ABL1: variants seen among roughly 807,000 people sequenced by gnomAD.
ABL1 encodes ABL proto-oncogene 1, non-receptor tyrosine kinase, also known as tyrosine-protein kinase ABL1.
ABL1 carries 11 observed loss-of-function variants against 94.7 expected under a neutral mutation model. The observed-to-expected ratio is 0.12, with a 90% confidence interval of 0.07 to 0.19. The LOEUF (loss-of-function observed/expected upper bound fraction) is 0.19. Among genes scored for constraint, ABL1 ranks in the 10% least tolerant of loss-of-function variants. The pLI, the probability that ABL1 is intolerant of heterozygous loss-of-function variation, is 1.00. For missense variants in ABL1, 1,082 were observed against 1,489.4 expected (o/e 0.73, Z 4.50); for synonymous variants, 656 against 622.4 (o/e 1.05, Z -0.80).
chr9:130,884,512 A>C lies in ABL1; in HGVS notation c.2222A>C (p.Gln741Pro). ...TCAGTCACGCTGCCTCGGGACTTGC[A>C]GTCCACGGGAAGACAGTTTGACTCG... ...WRSVTLPRDL[Q>P]STGRQFDSST... Residue 741 changes from glutamine to proline, a missense_variant, in exon 11 of 11, where the codon CAG becomes CCG. Gln to Pro is a moderately conservative substitution (Grantham distance 76). Coordinates refer to ENST00000318560, the MANE Select transcript of ABL1 (RefSeq NM_005157.6). This position sits in a 1 kb window ranked among gnomAD's most constrained non-coding sequence, Gnocchi z 5.6. The C allele has an allele frequency of 4.3e-6, 7 of 1,613,190 alleles. No individual in the cohort carries two copies. Among genetic ancestry groups the C allele is most frequent in the Non-Finnish European group, 5.9e-6 (7 of 1,180,034 alleles).
intron 1 of ABL1, among the ~76,000 whole-genome samples, chr9:130,810,086 A>C (rs1229803676): frequency 1.3e-5 from 2 of 152,230 alleles, no homozygotes; most frequent in African/African-American, 4.8e-5. Context: ...TACAACCAAT[A>C]ACTGACCAGA....
chr9:130,845,507 A>C (rs79107833), intron 1 of ABL1, among the ~76,000 whole-genome samples: 2 of 151,894 alleles, frequency 1.3e-5, no homozygotes, highest in African/African-American at 2.4e-5. Context: ...ACGCCCAGCT[A>C]ATTGTTGTAT....
chr9:130,713,727 G>GTTGCTGGCAATGCATTCCT (rs1290440455), exon 1 of ABL1, among the ~76,000 whole-genome samples: 1 of 152,202 alleles, frequency 6.6e-6, no homozygotes, highest in Non-Finnish European at 1.5e-5. Context: ...GGACTTAAAA[G>GTTGCTGGCAATGCATTCCT]TTGCTGGCAA....
chr9:130,806,173 A>G (rs780041524), intron 1 of ABL1, among the ~76,000 whole-genome samples: 6 of 152,178 alleles, frequency 3.9e-5, no homozygotes, highest in Non-Finnish European at 7.3e-5. Flanking sequence ...AATCCCAGCA[A>G]ACTCTTCAAT....
Position 130,887,532 on chromosome 9 carries a change from C to A in ABL1, c.*1849C>A. The A allele has an allele frequency of 8.6e-6, 2 of 233,042 alleles. No homozygotes were observed. Among genetic ancestry groups the A allele is most frequent in the Non-Finnish European group, 1.7e-5 (2 of 117,840 alleles). 14.4% of individuals were successfully genotyped at this position (233,042 alleles called of 1,614,324 possible). On this transcript the variant is annotated 3_prime_UTR_variant, in exon 11 of 11. Coordinates refer to ENST00000318560, the MANE Select transcript of ABL1 (RefSeq NM_005157.6). ...GGCGTGTGCATAGCGTCCTGCCCTG[C>A]CCCCTCGGGGGCCTGTGGTGGCTCC...
intron 4 of ABL1, among the ~76,000 whole-genome samples, chr9:130,868,328 T>C (rs1183074281): frequency 6.6e-6 from 1 of 152,096 alleles, no homozygotes; most frequent in Non-Finnish European, 1.5e-5. Context: ...GAAATAAGGA[T>C]AATCCCTGTG....
intron 1 of ABL1, among the ~76,000 whole-genome samples, chr9:130,767,757 G>A (rs1231823629): frequency 3.9e-5 from 6 of 152,226 alleles, no homozygotes; most frequent in Non-Finnish European, 8.8e-5. Context: ...ACGTGTGCAT[G>A]TGTGTGCACA....
intron 1 of ABL1, among the ~76,000 whole-genome samples, chr9:130,721,812 GT>G (rs368491783): frequency 3.8e-5 from 5 of 133,240 alleles, no homozygotes; most frequent in Admixed American, 7.8e-5. Flanking sequence ...AATTTGTCAG[GT>G]TTTTTTTTGT....
intron 1 of ABL1, among the ~76,000 whole-genome samples, chr9:130,812,833 C>T (rs1830227216): frequency 1.3e-5 from 2 of 152,346 alleles, no homozygotes; most frequent in South Asian, 4.1e-4. Flanking sequence ...TTCAGTAGAA[C>T]ATTCGACCCC....
chr9:130,851,857 C>G (rs886114418), intron 1 of ABL1, among the ~76,000 whole-genome samples: 4 of 151,040 alleles, frequency 2.6e-5, no homozygotes, highest in African/African-American at 9.7e-5. Flanking sequence ...GCCTCACCTC[C>G]CGGGTTCAGG....
intron 1 of ABL1, among the ~76,000 whole-genome samples, chr9:130,791,073 A>G (rs937173330): frequency 3.3e-5 from 5 of 152,254 alleles, no homozygotes; most frequent in Non-Finnish European, 7.3e-5. Flanking sequence ...CAAAGAAGGA[A>G]AGGAAAGAAA....
rs1004276219 is a variant in ABL1 at position 130,727,710 on chromosome 9, C to T, written c.136+13255C>T. Among the ~76,000 whole-genome samples the T allele has an allele frequency of 4.7e-5, 7 of 148,552 alleles. No homozygotes were observed. The South Asian group carries it at 8.7e-4, about 18-fold the overall frequency. On this transcript the variant is annotated intron_variant, in intron 1 of 10. Transcript: ENST00000372348. ...TACAGAGGTTGCAGTGAGCCGAGATCGCGCCATTGCACTCCAGCCTGGGTG... is the reference window on the plus strand; with the variant it reads ...TACAGAGGTTGCAGTGAGCCGAGATTGCGCCATTGCACTCCAGCCTGGGTG...
intron 1 of ABL1, among the ~76,000 whole-genome samples, chr9:130,774,045 ATGTACTC>A (rs1170236089): frequency 1.3e-5 from 2 of 152,154 alleles, no homozygotes; most frequent in African/African-American, 4.8e-5. Flanking sequence ...GTCATATACT[ATGTACTC>A]TTCTTTGCCT....
At chr9:130,836,824 CAAAAAAAAAAAAAAAA>C in intron 1 of ABL1, among the ~76,000 whole-genome samples, 1 of 77,218 alleles carries the variant, frequency 1.3e-5, no homozygotes, top group East Asian at 4.6e-4. Flanking sequence ...GACTCGGTCT[CAAAAAAAAAAAAAAAA>C]AAAAAAGAGT....
chr9:130,817,220 C>A (rs1213648347), intron 1 of ABL1, among the ~76,000 whole-genome samples: 1 of 152,246 alleles, frequency 6.6e-6, no homozygotes, highest in African/African-American at 2.4e-5. Context: ...TAAATAGTAA[C>A]TTCTCTTAGA....
At chr9:130,796,076 G>A (rs1829970234) in intron 1 of ABL1, among the ~76,000 whole-genome samples, 1 of 152,186 alleles carries the variant, frequency 6.6e-6, no homozygotes, top group African/African-American at 2.4e-5. Context: ...GGGAGGCTGA[G>A]GCAGGAGAAT....
At chr9:130,801,023 TG>T (rs1245693483) in intron 1 of ABL1, among the ~76,000 whole-genome samples, 1 of 151,800 alleles carries the variant, frequency 6.6e-6, no homozygotes, top group African/African-American at 2.4e-5. Flanking sequence ...CTCTGCCTGC[TG>T]GGTTCAAGCA....
At position 130,872,953 on chromosome 9, in the gene ABL1, A is replaced by T. The variant is rs768576631; in HGVS notation, c.1001A>T (p.Glu334Val). The T allele has an allele frequency of 6.2e-7, 1 of 1,614,158 alleles. No homozygotes were observed. The highest frequency in any genetic ancestry group is 1.1e-5 in the South Asian group (1 of 91,072). Residue 334 changes from glutamate to valine, a missense_variant, in exon 6 of 11, where the codon GAG (glutamate) becomes GTG (valine). By Grantham distance (121) the Glu-to-Val change is moderately radical. Transcript: ENST00000318560. The surrounding 1 kb of genome is among the most constrained non-coding windows in gnomAD (Gnocchi z 5.0). Reference sequence around the variant, plus strand: ...TACCTGAGGGAGTGCAACCGGCAGGAGGTGAACGCCGTGGTGCTGCTGTAC... The same window carrying T: ...TACCTGAGGGAGTGCAACCGGCAGGTGGTGAACGCCGTGGTGCTGCTGTAC... ...LDYLRECNRQEVNAVVLLYMA... is the reference protein window; with the variant it reads ...LDYLRECNRQVVNAVVLLYMA...
rs573809826 is a variant in ABL1 at position 130,780,554 on chromosome 9, C to T, written c.136+66099C>T. On this transcript the variant is annotated intron_variant, in intron 1 of 10. Transcript: ENST00000372348. ...TGCTCACCTCGTATCTGTACTCGTA[C>T]CTGCTATTTCTAGGCGAATTGTCCC... Among the ~76,000 whole-genome samples, 13 of 152,282 alleles carry T rather than the reference C, an allele frequency of 8.5e-5. 1 individual carries two copies. The highest frequency in any genetic ancestry group is 5.9e-4 in the Admixed American group (9 of 15,290).
Sources: allele counts gnomAD v4.1 joint callset (sites outside exome capture counted in the v4.1 genomes callset), GRCh38; gene constraint gnomAD v4.1.1; non-coding constraint Gnocchi (gnomAD v3.1); transcripts MANE v1.5; gene names NCBI Gene and HGNC (gene_info 2026-07-23, HGNC 2026-07-21).